TCF7: variants seen among roughly 807,000 people sequenced by gnomAD.
The protein encoded by TCF7 is T-cell-factor-7.
Under a neutral mutation model 46.8 loss-of-function variants are expected in TCF7, and 19 were observed. That is an observed-to-expected ratio of 0.41 (90% CI 0.28 to 0.60). The LOEUF (loss-of-function observed/expected upper bound fraction) is 0.60. Ranked by LOEUF, TCF7 falls within the 20% of genes least tolerant of loss-of-function variation. TCF7 has a pLI of 0.35. For synonymous variants in TCF7, 245 were observed against 213.4 expected, an observed-to-expected ratio of 1.15 and a Z score of -1.29; for missense variants, 547 against 504.6, an observed-to-expected ratio of 1.08 and a Z score of -0.81.
In TCF7 at chr5:134,146,329, G is replaced by T. The variant is rs757181314; in HGVS notation, c.*26G>T. The T allele has an allele frequency of 7.4e-6, 12 of 1,613,464 alleles. No homozygotes were observed. Among genetic ancestry groups the T allele is most frequent in the Non-Finnish European group, 1.0e-5 (12 of 1,179,512 alleles). On this transcript the variant is annotated 3_prime_UTR_variant, in exon 10 of 10. Transcript: ENST00000342854. Reference sequence around the variant, plus strand: ...GCTGCCCCGGGTCCCCAGCTCCCCAGGACTCACCCTCATACCATCTGCTGC... The same window carrying T: ...GCTGCCCCGGGTCCCCAGCTCCCCATGACTCACCCTCATACCATCTGCTGC...
chr5:134,142,219 G>A lies in TCF7; in HGVS notation c.670G>A (p.Val224Ile), dbSNP rs753846759. The A allele has an allele frequency of 5.6e-6, 9 of 1,613,784 alleles. No homozygotes were observed. Among genetic ancestry groups the A allele is most frequent in the Admixed American group, 3.3e-5 (2 of 60,014 alleles). ...CCCATCCTTGATGCTAGGTTCTGGTGTACCTGGTCACCCAGCAGCCATCCC... is the reference window on the plus strand; with the variant it reads ...CCCATCCTTGATGCTAGGTTCTGGTATACCTGGTCACCCAGCAGCCATCCC... ...THPSLMLGSG[V>I]PGHPAAIPHP... The change falls in exon 6 of 10, where the codon GTA (valine) becomes ATA (isoleucine). Residue 224 changes from valine (V) to isoleucine (I), a missense_variant. Transcript: ENST00000342854.
upstream of TCF7, among the ~76,000 whole-genome samples, chr5:134,113,415 A>G (rs1280635755): frequency 1.3e-5 from 2 of 152,244 alleles, no homozygotes; most frequent in Non-Finnish European, 2.9e-5. Context: ...ATCCACAGCC[A>G]GCCACGCTGG....
Position 134,115,224 on chromosome 5 carries a change from C to T in TCF7, c.249+69C>T, listed in dbSNP as rs1042086866. 3.9e-5 allele frequency: 49 copies of T among 1,264,786 alleles called. No homozygotes were observed. The African/African-American group carries it at 6.5e-4, about 17-fold the overall frequency. The allele number at this position is 1,264,786 out of a possible 1,614,324, so 78.3% of individuals were successfully genotyped here. A position where few individuals can be genotyped will look rare whatever the true frequency, so the allele number is the denominator to read the frequency against. On this transcript the variant is annotated intron_variant, in intron 1 of 9. Transcript: ENST00000342854. ...CCGCGCCGCCCCAGTTGCGCGCGGCCCTCGGGGTCTCCAGCGCGCAGAGCG... is the reference window on the plus strand; with the variant it reads ...CCGCGCCGCCCCAGTTGCGCGCGGCTCTCGGGGTCTCCAGCGCGCAGAGCG...
intron 1 of TCF7, 52 bp from the exon 2 acceptor site, chr5:134,115,269 C>T (rs1755640326): frequency 6.7e-7 from 1 of 1,495,154 alleles, no homozygotes; most frequent in Non-Finnish European, 9.0e-7. Flanking sequence ...CGGCGTCGGC[C>T]CCGACCCCCG....
At position 134,114,890 on chromosome 5, in the gene TCF7, G is replaced by T; in HGVS notation, c.-17G>T. The T allele has an allele frequency of 1.0e-6, 1 of 992,334 alleles. No individual in the cohort carries two copies. The highest frequency in any genetic ancestry group is 4.6e-5 in the South Asian group (1 of 21,940). 61.5% of individuals were successfully genotyped at this position (992,334 alleles called of 1,614,324 possible). A position where few individuals can be genotyped will look rare whatever the true frequency, so the allele number is the denominator to read the frequency against. ...CCCGGCGCCCAGCGCCCCGCGCCCC[G>T]GCGGGCGGAGCGCACCATGCCGCAG... is the stretch of plus-strand genomic sequence containing the variant. On this transcript the variant is annotated 5_prime_UTR_variant, in exon 1 of 10. Coordinates refer to ENST00000342854, the MANE Select transcript of TCF7 (RefSeq NM_003202.5).
At chr5:134,113,323 G>T (rs1215714203), upstream of TCF7, among the ~76,000 whole-genome samples, 1 of 152,354 alleles carries the variant, frequency 6.6e-6, no homozygotes, top group African/African-American at 2.4e-5. Flanking sequence ...GGGGAGGGGG[G>T]TGTGGGGGCT....
At chr5:134,113,035 A>G (rs1281659164), upstream of TCF7, among the ~76,000 whole-genome samples, 1 of 152,024 alleles carries the variant, frequency 6.6e-6, no homozygotes, top group Non-Finnish European at 1.5e-5. Flanking sequence ...CCTATGCCAG[A>G]CCCTACCTAT....
At chr5:134,135,366 C>T (rs1353397681) in intron 3 of TCF7, among the ~76,000 whole-genome samples, 1 of 152,142 alleles carries the variant, frequency 6.6e-6, no homozygotes, top group Non-Finnish European at 1.5e-5. Flanking sequence ...GGATTGAGGA[C>T]TGGCGGAGGG....
chr5:134,139,029 CTG>C lies in TCF7; in HGVS notation c.629_630del (p.Val210GlufsTer84), dbSNP rs752683741. On this transcript the variant is annotated frameshift_variant, in exon 5 of 10. Coordinates refer to ENST00000342854, the MANE Select transcript of TCF7 (RefSeq NM_003202.5). LOFTEE classifies it high-confidence loss of function. ...GGCAGCATGGGGCAGCTCCCCCACA[CTG>C]TGAGCTGGTGAGTGTGGGCCCAATG... 2.2e-5 allele frequency: 36 copies of C among 1,613,760 alleles called. No individual in the cohort carries two copies. Among genetic ancestry groups the C allele is most frequent in the Non-Finnish European group, 1.7e-6 (2 of 1,180,022 alleles).
chr5:134,115,455 C>G (rs1457596220), intron 2 of TCF7, 68 bp downstream of exon 2: 2 of 1,534,964 alleles, frequency 1.3e-6, no homozygotes, highest in Non-Finnish European at 1.8e-6. Context: ...GACGGGGACG[C>G]CAAGGACCGC....
At chr5:134,114,314 GGAGCCTGGGCAC>G (rs1432656657), upstream of TCF7, among the ~76,000 whole-genome samples, 2 of 152,108 alleles carry the variant, frequency 1.3e-5, no homozygotes, top group Non-Finnish European at 2.9e-5. Context: ...AGGGCGCATT[GGAGCCTGGGCAC>G]GATACAGTTC....
intron 3 of TCF7, among the ~76,000 whole-genome samples, chr5:134,120,095 G>A (rs577566136): frequency 2.0e-5 from 3 of 152,194 alleles, no homozygotes; most frequent in African/African-American, 7.2e-5. Flanking sequence ...GGCTGTGAAG[G>A]GGGGCCCACT....
chr5:134,144,920 ACT>A (rs1197057710), intron 9 of TCF7: 6 of 1,514,598 alleles, frequency 4.0e-6, no homozygotes, highest in African/African-American at 1.4e-5. Context: ...TGCTTCCCTG[ACT>A]CTGCACATGT....
At position 134,131,835 on chromosome 5, in the gene TCF7, T is replaced by C. The variant is rs985452951; in HGVS notation, c.442-6224T>C. Reference sequence around the variant, plus strand: ...CAGACTGGCCCAGAGCAGGAGGAAGTATGGAACATTGCAGAGGGAAGGCAC... The same window carrying C: ...CAGACTGGCCCAGAGCAGGAGGAAGCATGGAACATTGCAGAGGGAAGGCAC... On this transcript the variant is annotated intron_variant, in intron 3 of 9. Coordinates refer to ENST00000342854, the MANE Select transcript of TCF7 (RefSeq NM_003202.5). Among the ~76,000 whole-genome samples the C allele has an allele frequency of 5.9e-5, 9 of 152,116 alleles. 1 individual carries two copies. The highest frequency in any genetic ancestry group is 2.2e-4 in the African/African-American group (9 of 41,440).
intron 3 of TCF7, among the ~76,000 whole-genome samples, chr5:134,125,418 G>A (rs1313455481): frequency 6.6e-6 from 1 of 152,212 alleles, no homozygotes; most frequent in Non-Finnish European, 1.5e-5. Context: ...TTGCCAGGGA[G>A]CCCCGACTGG....
intron 9 of TCF7, chr5:134,145,986 T>C (rs1278612624): frequency 1.3e-5 from 19 of 1,475,586 alleles, no homozygotes; most frequent in African/African-American, 1.1e-4. Flanking sequence ...TGACAGCCCA[T>C]AGGCCTAGTG....
chr5:134,123,049 G>T (rs1184276577), intron 3 of TCF7, among the ~76,000 whole-genome samples: 1 of 152,220 alleles, frequency 6.6e-6, no homozygotes, highest in Admixed American at 6.5e-5. Context: ...GGATAACGAG[G>T]GTTCTCACCT....
At chr5:134,145,735 C>T in intron 9 of TCF7, 2 of 1,613,848 alleles carry the variant, frequency 1.2e-6, no homozygotes, top group Non-Finnish European at 1.7e-6. Flanking sequence ...CCATTCATTC[C>T]ATCAGAGACA....
chr5:134,110,568 C>T (rs1391368694), upstream of TCF7, among the ~76,000 whole-genome samples: 1 of 152,260 alleles, frequency 6.6e-6, no homozygotes, highest in Admixed American at 6.5e-5. Flanking sequence ...CACAGTCTAC[C>T]TCTAGGACCT....
Sources: gnomAD v4.1 joint callset for allele counts (sites outside exome capture counted in the v4.1 genomes callset) on GRCh38, gnomAD v4.1.1 for gene constraint, MANE v1.5 for transcripts, NCBI Gene and HGNC (gene_info 2026-07-23, HGNC 2026-07-21) for gene names.